LDB2: variants seen among roughly 807,000 people sequenced by gnomAD.
LDB2 encodes LIM domain-binding protein 2.
LDB2 carries 12 observed loss-of-function variants against 44.3 expected under a neutral mutation model. The observed-to-expected ratio is 0.27, with a 90% confidence interval of 0.17 to 0.44. LDB2 has a LOEUF of 0.44. Ranked by LOEUF, LDB2 falls within the 20% of genes least tolerant of loss-of-function variation. The probability of loss-of-function intolerance (pLI) is 1.00; values close to 1 mark genes in which losing one functional copy is unlikely to be tolerated. For synonymous variants in LDB2, 164 were observed against 174.8 expected (o/e 0.94, Z 0.49); for missense variants, 344 against 473.5 (o/e 0.73, Z 2.54).
At chr4:16,560,710 C>A (rs915269188) in intron 5 of LDB2, among the ~76,000 whole-genome samples, 11 of 152,194 alleles carry the variant, frequency 7.2e-5, no homozygotes, top group African/African-American at 2.7e-4. Flanking sequence ...CTCCCTGACT[C>A]ATTTTATGAG....
intron 1 of LDB2, among the ~76,000 whole-genome samples, chr4:16,812,011 A>G (rs897016235): frequency 1.3e-5 from 2 of 152,238 alleles, no homozygotes; most frequent in African/African-American, 2.4e-5. Flanking sequence ...CTATTTGGCT[A>G]CAGGGAAATT....
In LDB2 at chr4:16,780,611, C is replaced by T. The variant is rs182252339; in HGVS notation, c.133-21351G>A. On this transcript the variant is annotated intron_variant, in intron 1 of 7. Coordinates refer to ENST00000304523, the MANE Select transcript of LDB2 (RefSeq NM_001290.5). ...ACTTGAAGAATGCAAGCCAAGGAGA[C>T]GCTGTATTTGTGTATCAGTGGAAAT... Among the ~76,000 whole-genome samples the T allele has an allele frequency of 4.5e-4, 69 of 152,202 alleles. 1 individual carries two copies. The highest frequency in any genetic ancestry group is 2.7e-3 in the Admixed American group (42 of 15,284).
In LDB2 at chr4:16,898,631, C is replaced by A. The variant is rs1725992025; in HGVS notation, c.-146G>T. 4 of 458,152 alleles carry A rather than the reference C, an allele frequency of 8.7e-6. No homozygotes were observed. Among genetic ancestry groups the A allele is most frequent in the Non-Finnish European group, 1.4e-5 (4 of 288,544 alleles). The allele number at this position is 458,152 out of a possible 1,614,324, so 28.4% of individuals were successfully genotyped here. A position where few individuals can be genotyped will look rare whatever the true frequency, so the allele number is the denominator to read the frequency against. ...GGCAGGCAGGCAGGCAGGCTGAACA[C>A]GCTGGCTGGGAACTGCTGTCGGAGC... On this transcript the variant is annotated 5_prime_UTR_variant, in exon 1 of 8. Coordinates refer to ENST00000304523, the MANE Select transcript of LDB2 (RefSeq NM_001290.5).
chr4:16,664,805 A>G (rs543434919), intron 2 of LDB2, among the ~76,000 whole-genome samples: 1 of 152,320 alleles, frequency 6.6e-6, no homozygotes, highest in South Asian at 2.1e-4. Flanking sequence ...TACTCTCTGC[A>G]TGTTTCGGGT....
At chr4:16,665,441 A>G (rs1458269484) in intron 2 of LDB2, among the ~76,000 whole-genome samples, 1 of 151,832 alleles carries the variant, frequency 6.6e-6, no homozygotes, top group Non-Finnish European at 1.5e-5. Context: ...AAGTTTTTGT[A>G]TTTTTATTAG....
At chr4:16,598,910 G>C (rs1268331846) in intron 2 of LDB2, among the ~76,000 whole-genome samples, 1 of 146,666 alleles carries the variant, frequency 6.8e-6, no homozygotes, top group East Asian at 2.0e-4. Flanking sequence ...GCTCAAGCTA[G>C]TTCGTGTTAG....
At chr4:16,672,047 C>T (rs187349681) in intron 2 of LDB2, among the ~76,000 whole-genome samples, 1 of 152,300 alleles carries the variant, frequency 6.6e-6, no homozygotes, top group East Asian at 1.9e-4. Context: ...TGACAGAACA[C>T]ACCTGGTAAT....
intron 2 of LDB2, among the ~76,000 whole-genome samples, chr4:16,651,483 C>G (rs1343904524): frequency 6.6e-6 from 1 of 152,134 alleles, no homozygotes; most frequent in Non-Finnish European, 1.5e-5. Flanking sequence ...AAGTAAATAT[C>G]TGGAGAAGAG....
At chr4:16,615,912 T>C (rs374287768) in intron 2 of LDB2, among the ~76,000 whole-genome samples, 56 of 152,216 alleles carry the variant, frequency 3.7e-4, no homozygotes, top group African/African-American at 1.3e-3. Flanking sequence ...ATGGTAGCTG[T>C]GTAACCTTGG....
intron 1 of LDB2, among the ~76,000 whole-genome samples, chr4:16,760,780 T>G (rs1767734526): frequency 6.6e-6 from 1 of 152,146 alleles, no homozygotes; most frequent in South Asian, 2.1e-4. Flanking sequence ...TTGTGGAGCT[T>G]TTAAAAAACT....
Position 16,533,584 on chromosome 4 carries a change from A to G in LDB2, c.616-21480T>C, listed in dbSNP as rs1327355395. Among the ~76,000 whole-genome samples, 1 of 152,172 alleles carries G rather than the reference A, an allele frequency of 6.6e-6. No individual in the cohort carries two copies. The highest frequency in any genetic ancestry group is 1.5e-5 in the Non-Finnish European group (1 of 68,026). On this transcript the variant is annotated intron_variant, in intron 5 of 7. Coordinates refer to ENST00000304523, the MANE Select transcript of LDB2 (RefSeq NM_001290.5). The surrounding 1 kb of genome is among the most constrained non-coding windows in gnomAD (Gnocchi z 4.1). Reference sequence around the variant, plus strand: ...TGAACATGGTTTTATTTTTGTCTATAAAGCTGAGACTTCTCTCAAGAAAGC... The same window carrying G: ...TGAACATGGTTTTATTTTTGTCTATGAAGCTGAGACTTCTCTCAAGAAAGC...
chr4:16,746,992 C>T (rs1195724750), intron 2 of LDB2, among the ~76,000 whole-genome samples: 1 of 152,154 alleles, frequency 6.6e-6, no homozygotes, highest in Non-Finnish European at 1.5e-5. Flanking sequence ...GAAGCTGCAG[C>T]AGGACCTCAA....
At chr4:16,562,155 A>G (rs965659628) in intron 5 of LDB2, among the ~76,000 whole-genome samples, 4 of 152,214 alleles carry the variant, frequency 2.6e-5, no homozygotes, top group African/African-American at 4.8e-5. Flanking sequence ...GGACATAGGC[A>G]TGGGCAAGGA....
chr4:16,826,753 G>A (rs761866202), intron 1 of LDB2, among the ~76,000 whole-genome samples: 20 of 152,018 alleles, frequency 1.3e-4, no homozygotes, highest in Admixed American at 2.0e-4. Flanking sequence ...GACTGCAAAT[G>A]CTTGAGAAAA....
At chr4:16,831,387 C>T (rs1330122336) in intron 1 of LDB2, among the ~76,000 whole-genome samples, 3 of 151,916 alleles carry the variant, frequency 2.0e-5, no homozygotes, top group East Asian at 1.9e-4. Context: ...GAAAAGCCAT[C>T]GGAGGGTTTT....
intron 1 of LDB2, among the ~76,000 whole-genome samples, chr4:16,885,021 C>T (rs1205597767): frequency 1.3e-5 from 2 of 152,028 alleles, no homozygotes; most frequent in African/African-American, 4.8e-5. Flanking sequence ...CTATGTTGTA[C>T]TAGAAGCATA....
chr4:16,749,507 C>T (rs1433964220), intron 2 of LDB2, among the ~76,000 whole-genome samples: 12 of 139,764 alleles, frequency 8.6e-5, no homozygotes, highest in African/African-American at 2.4e-4. Flanking sequence ...GCAGTGGAGC[C>T]GAGATCACAC....
chr4:16,666,707 C>T (rs1743335803), intron 2 of LDB2, among the ~76,000 whole-genome samples: 1 of 152,074 alleles, frequency 6.6e-6, no homozygotes, highest in South Asian at 2.1e-4. Context: ...AGAAAATTCA[C>T]AATATTTTGC....
chr4:16,537,643 T>G (rs1232337568), intron 5 of LDB2, among the ~76,000 whole-genome samples: 1 of 152,200 alleles, frequency 6.6e-6, no homozygotes, highest in Non-Finnish European at 1.5e-5. Flanking sequence ...GAGGGCAATT[T>G]AGTGCTCCTA....
Sources: gnomAD v4.1 joint callset for allele counts (sites outside exome capture counted in the v4.1 genomes callset) on GRCh38, gnomAD v4.1.1 for gene constraint, Gnocchi (gnomAD v3.1) non-coding constraint, MANE v1.5 for transcripts, NCBI Gene and HGNC (gene_info 2026-07-23, HGNC 2026-07-21) for gene names.